FADS2: variants seen among roughly 807,000 people sequenced by gnomAD.
FADS2 encodes acyl-CoA 6-desaturase.
In FADS2, 18 loss-of-function variants were observed where a neutral mutation model predicts 61.2. The observed-to-expected ratio is 0.29, with a 90% confidence interval of 0.20 to 0.44. The LOEUF is 0.44. Among genes scored for constraint, FADS2 ranks in the 20% least tolerant of loss-of-function variants. The pLI is 1.00. For missense variants in FADS2, 322 were observed against 572.7 expected, an observed-to-expected ratio of 0.56 and a Z score of 4.47; for synonymous variants, 203 against 223.9, an observed-to-expected ratio of 0.91 and a Z score of 0.83.
chr11:61,844,931 AAAAAAG>A (rs1248795042), intron 4 of FADS2, among the ~76,000 whole-genome samples: 2 of 150,654 alleles, frequency 1.3e-5, no homozygotes, highest in African/African-American at 4.9e-5. Context: ...TCTCAAAAAA[AAAAAAG>A]AAAAAAGAAA....
At chr11:61,836,714 C>T (rs2067177637) in intron 1 of FADS2, among the ~76,000 whole-genome samples, 2 of 152,210 alleles carry the variant, frequency 1.3e-5, no homozygotes, top group Non-Finnish European at 2.9e-5. Context: ...TAATCTAGAC[C>T]ATGCTTCCGT....
chr11:61,863,240 G>A (rs1375599362), intron 8 of FADS2, 42 bp from the exon 9 acceptor site: 2 of 1,540,322 alleles, frequency 1.3e-6, no homozygotes, highest in East Asian at 2.3e-5. Flanking sequence ...CACTGTGGCT[G>A]GGCCCCCGGA....
Position 61,866,967 on chromosome 11 carries a change from C to G in FADS2, c.*1278C>G, listed in dbSNP as rs532211655. The G allele has an allele frequency of 6.6e-6, 1 of 151,988 alleles. No individual in the cohort carries two copies. The highest frequency in any genetic ancestry group is 1.5e-5 in the Non-Finnish European group (1 of 68,224). 9.4% of individuals were successfully genotyped at this position (151,988 alleles called of 1,614,324 possible). ...GTACCTCATGAGGACCAGGGTGGAG[C>G]TGAGAAGAGGAGGAGGTGGGGGCTG... On this transcript the variant is annotated 3_prime_UTR_variant, in exon 12 of 12. Transcript: ENST00000278840.
At chr11:61,863,140 G>C (rs2067432014) in intron 8 of FADS2, 71 bp downstream of exon 8, 2 of 1,487,106 alleles carry the variant, frequency 1.3e-6, no homozygotes, top group Admixed American at 3.4e-5. Context: ...ATGAGAAGAG[G>C]CTCGGACGGC....
Position 61,866,284 on chromosome 11 carries a change from CA to C in FADS2, c.*596del, listed in dbSNP as rs2067469917. On this transcript the variant is annotated 3_prime_UTR_variant, in exon 12 of 12. Coordinates refer to ENST00000278840, the MANE Select transcript of FADS2 (RefSeq NM_004265.4). Reference sequence around the variant, plus strand: ...TACCCGAGGCCTCTCTTAAGATGTCCAGGGCCCCAGGCCCGCGGGCACAGCC... The same window carrying C: ...TACCCGAGGCCTCTCTTAAGATGTCCGGGCCCCAGGCCCGCGGGCACAGCC... The C allele has an allele frequency of 3.2e-6, 1 of 315,808 alleles. No individual in the cohort carries two copies. The highest frequency in any genetic ancestry group is 5.0e-5 in the Admixed American group (1 of 19,948). 19.6% of individuals were successfully genotyped at this position (315,808 alleles called of 1,614,324 possible).
rs751724731 is a variant in FADS2, at chr11:61,816,292, G to C, written c.7G>C (p.Gly3Arg). 1.3e-6 allele frequency: 2 copies of C among 1,598,312 alleles called. No individual in the cohort carries two copies. Among genetic ancestry groups the C allele is most frequent in the Non-Finnish European group, 1.7e-6 (2 of 1,179,780 alleles). The stretch of plus-strand genomic sequence containing the variant: ...GCTCGGGGCTGCAGATGGAATGCAC[G>C]GCAGGGAGGCGGGACCCTTTGTTTG... Residue 3 changes from glycine (G) to arginine (R), a missense_variant, in exon 1 of 12, where the codon GGC becomes CGC. Physicochemically the swap from Gly to Arg is moderately radical, Grantham distance 125 (BLOSUM62 -2). Transcript: ENST00000257261. This position sits in a 1 kb window ranked among gnomAD's most constrained non-coding sequence, Gnocchi z 7.0.
intron 1 of FADS2, among the ~76,000 whole-genome samples, chr11:61,833,715 G>C (rs149472758): frequency 6.6e-6 from 1 of 152,240 alleles, no homozygotes; most frequent in African/African-American, 2.4e-5. Flanking sequence ...GGTGGCAGCT[G>C]TAGCAACCAC....
At chr11:61,854,581 C>T (rs540754451) in intron 5 of FADS2, 9 of 152,266 alleles carry the variant, frequency 5.9e-5, no homozygotes, top group Non-Finnish European at 1.2e-4. Flanking sequence ...CACTCACCCC[C>T]CTAGCTTGCT....
chr11:61,834,985 C>T lies in FADS2; in HGVS notation c.208-2793C>T, dbSNP rs1363721181. Reference sequence around the variant, plus strand: ...CCCTGGGCCTCCTCCCTGCCTGCCCCCCCACCCCAGCCCTCCTCCCTGCCT... The same window carrying T: ...CCCTGGGCCTCCTCCCTGCCTGCCCTCCCACCCCAGCCCTCCTCCCTGCCT... On this transcript the variant is annotated intron_variant, in intron 1 of 11. Coordinates refer to ENST00000278840, the MANE Select transcript of FADS2 (RefSeq NM_004265.4). Among the ~76,000 whole-genome samples the T allele has an allele frequency of 4.1e-4, 52 of 127,944 alleles. 3 individuals carry two copies. The highest frequency in any genetic ancestry group is 7.7e-4 in the Non-Finnish European group (45 of 58,422). The allele number at this position is 127,944 out of a possible 152,430, so 83.9% of individuals were successfully genotyped here. A position where few individuals can be genotyped will look rare whatever the true frequency, so the allele number is the denominator to read the frequency against.
Position 61,819,983 on chromosome 11 carries a change from G to A in FADS2, c.141+3557G>A, listed in dbSNP as rs994027722. The stretch of plus-strand genomic sequence containing the variant: ...CACACCTGTAATCCCAGCACTTTGG[G>A]AGGCAGAGGCAGGTGGACCACCTGA... On this transcript the variant is annotated intron_variant, in intron 1 of 11. Transcript: ENST00000257261. Among the ~76,000 whole-genome samples the A allele has an allele frequency of 5.9e-5, 9 of 151,874 alleles. No individual in the cohort carries two copies. In the South Asian group the frequency reaches 1.5e-3, roughly 25 times the overall value.
chr11:61,847,258 A>C lies in FADS2; in HGVS notation c.619-901A>C, dbSNP rs2067268494. 2.6e-5 allele frequency: 4 copies of C among 152,088 alleles called. No homozygotes were observed. In the South Asian group the frequency reaches 8.3e-4, roughly 32 times the overall value. The allele number at this position is 152,088 out of a possible 1,614,324, so 9.4% of individuals were successfully genotyped here. A position where few individuals can be genotyped will look rare whatever the true frequency, so the allele number is the denominator to read the frequency against. Reference sequence around the variant, plus strand: ...CAGTTTTCCCATTTAAAGTAGACAAATCAATGACTTTTGGTATATTCACAG... The same window carrying C: ...CAGTTTTCCCATTTAAAGTAGACAACTCAATGACTTTTGGTATATTCACAG... On this transcript the variant is annotated intron_variant, in intron 4 of 11. Transcript: ENST00000278840.
rs2066982716 is a variant in FADS2 at position 61,816,320 on chromosome 11, T to C, written c.35T>C (p.Val12Ala). 1 of 1,598,274 alleles carries C rather than the reference T, an allele frequency of 6.3e-7. No individual in the cohort carries two copies. Among genetic ancestry groups the C allele is most frequent in the African/African-American group, 1.3e-5 (1 of 74,904 alleles). Residue 12 changes from valine to alanine, a missense_variant, in exon 1 of 12, where the codon GTG (valine) becomes GCG (alanine). By Grantham distance (64) the Val-to-Ala change is moderately conservative (BLOSUM62 0). Transcript: ENST00000257261. The surrounding 1 kb of genome is among the most constrained non-coding windows in gnomAD (Gnocchi z 7.0). ...AGGGAGGCGGGACCCTTTGTTTGTG[T>C]GTGCGTGTTGTTGGCCTCCATCCCC...
At position 61,863,806 on chromosome 11, in the gene FADS2, G is replaced by A; in HGVS notation, c.1157+20G>A. ...GCACCAGTGAGCGCGGGGCTGCGGG[G>A]AGGCGGGGAGACCCACAGCGGGAGG... On this transcript the variant is annotated intron_variant, in intron 10 of 11. Coordinates refer to ENST00000278840, the MANE Select transcript of FADS2 (RefSeq NM_004265.4). 6.2e-7 allele frequency: 1 copy of A among 1,602,392 alleles called. No individual in the cohort carries two copies. Among genetic ancestry groups the A allele is most frequent in the Non-Finnish European group, 8.6e-7 (1 of 1,169,416 alleles).
intron 1 of FADS2, among the ~76,000 whole-genome samples, chr11:61,831,277 C>T (rs1471221789): frequency 6.6e-6 from 1 of 152,082 alleles, no homozygotes; most frequent in East Asian, 1.9e-4. Context: ...GTTTGTCCCC[C>T]AGAGCATGGG....
At position 61,816,716 on chromosome 11, in the gene FADS2, G is replaced by C. The variant is rs2066987626; in HGVS notation, c.141+290G>C. 1 of 1,571,382 alleles carries C rather than the reference G, an allele frequency of 6.4e-7. No homozygotes were observed. Among genetic ancestry groups the C allele is most frequent in the Admixed American group, 1.9e-5 (1 of 53,748 alleles). ...TCCCAGGTGAAGTAGCGCGGGGTAG[G>C]TCCCTGAGCCGCGGTCTCGGCGGCC... On this transcript the variant is annotated intron_variant, in intron 1 of 11. Transcript: ENST00000257261. The surrounding 1 kb of genome is among the most constrained non-coding windows in gnomAD (Gnocchi z 7.0).
rs564691036 is a variant in FADS2 at position 61,857,693 on chromosome 11, G to GT, written c.882+163_882+164insT. Reference sequence around the variant, plus strand: ...CTCTCAGGAAAGGACTCCCTCTGGGGCCACCAGGACCTAGTCCTAAAGATC... The same window carrying GT: ...CTCTCAGGAAAGGACTCCCTCTGGGGTCCACCAGGACCTAGTCCTAAAGATC... On this transcript the variant is annotated intron_variant, in intron 7 of 11. Coordinates refer to ENST00000278840, the MANE Select transcript of FADS2 (RefSeq NM_004265.4). 4.1e-4 allele frequency among the ~76,000 whole-genome samples: 63 copies of GT among 152,170 alleles called. No individual in the cohort carries two copies. The East Asian group carries it at 9.7e-3, about 23-fold the overall frequency.
In FADS2 at chr11:61,828,516, G is replaced by T. The variant is rs772732637; in HGVS notation, c.126G>T (p.Lys42Asn). ...RTDRWLVIDRKVYNITKWSIQ... is the reference protein window; with the variant it reads ...RTDRWLVIDRNVYNITKWSIQ... Reference sequence around the variant, plus strand: ...ACAGGTGGCTGGTCATTGACCGCAAGGTTTACAACATCACCAAATGGTCCA... The same window carrying T: ...ACAGGTGGCTGGTCATTGACCGCAATGTTTACAACATCACCAAATGGTCCA... Residue 42 changes from lysine to asparagine, a missense_variant, in exon 1 of 12, where the codon AAG becomes AAT. Physicochemically the swap from Lys to Asn is moderately conservative, Grantham distance 94. Around this residue, in one of 3 missense-constraint regions of FADS2, gnomAD observed 61 missense variants for 107.4 expected, o/e 0.57. Transcript: ENST00000278840. The surrounding 1 kb of genome is among the most constrained non-coding windows in gnomAD (Gnocchi z 6.4). 6.2e-7 allele frequency: 1 copy of T among 1,613,934 alleles called. No homozygotes were observed. Among genetic ancestry groups the T allele is most frequent in the South Asian group, 1.1e-5 (1 of 90,992 alleles).
chr11:61,824,482 G>A (rs1485877650), upstream of FADS2, among the ~76,000 whole-genome samples: 58 of 8,738 alleles, frequency 6.6e-3, 9 homozygotes, highest in South Asian at 0.095. Flanking sequence ...GAGAGAGAGA[G>A]AGAGAGAGAA....
At position 61,816,879 on chromosome 11, in the gene FADS2, GT is replaced by G; in HGVS notation, c.141+457del. On this transcript the variant is annotated intron_variant, in intron 1 of 11. Coordinates refer to the FADS2 transcript ENST00000257261. This position sits in a 1 kb window ranked among gnomAD's most constrained non-coding sequence, Gnocchi z 7.0. Reference sequence around the variant, plus strand: ...CCAGAGCCAGCCGCCTGCGCGCCGGGTTTTCAGCACCGCAGGGCAGACCGGC... The same window carrying G: ...CCAGAGCCAGCCGCCTGCGCGCCGGGTTTCAGCACCGCAGGGCAGACCGGC... The G allele has an allele frequency of 2.0e-6, 3 of 1,477,232 alleles. No individual in the cohort carries two copies. Among genetic ancestry groups the G allele is most frequent in the Admixed American group, 2.5e-5 (1 of 40,208 alleles). 91.5% of individuals were successfully genotyped at this position (1,477,232 alleles called of 1,614,324 possible).
Sources: gnomAD v4.1 joint callset for allele counts (sites outside exome capture counted in the v4.1 genomes callset) on GRCh38, gnomAD v4.1.1 for gene constraint, gnomAD v4.1.1 regional missense constraint, Gnocchi (gnomAD v3.1) non-coding constraint, MANE v1.5 for transcripts, NCBI Gene and HGNC (gene_info 2026-07-23, HGNC 2026-07-21) for gene names.